The following RBMS3 variants were observed in gnomAD, a reference collection of about 807,000 sequenced individuals.
The protein encoded by RBMS3 is RNA-binding motif, single-stranded-interacting protein 3.
A neutral mutation model predicts 66.8 loss-of-function variants in RBMS3; 27 were observed. That is an observed-to-expected ratio of 0.40 (90% CI 0.30 to 0.56). The LOEUF (loss-of-function observed/expected upper bound fraction) is 0.56, where lower values mean the gene tolerates loss of function less well. Ranked by LOEUF, RBMS3 falls within the 20% of genes least tolerant of loss-of-function variation. The pLI is 0.40. For synonymous variants in RBMS3, 188 were observed against 183.0 expected (o/e 1.03, Z -0.22); for missense variants, 513 against 549.5 (o/e 0.93, Z 0.66).
intron 12 of RBMS3, among the ~76,000 whole-genome samples, chr3:29,951,101 T>C (rs1043987766): frequency 6.6e-6 from 1 of 151,876 alleles, no homozygotes; most frequent in Non-Finnish European, 1.5e-5. Flanking sequence ...AATGCAGTGC[T>C]TAATTTTGTA....
In RBMS3 at chr3:30,009,814, T is replaced by C. The variant is rs1044798520; in HGVS notation, c.*5952T>C. On this transcript the variant is annotated 3_prime_UTR_variant, in exon 15 of 15. Coordinates refer to ENST00000383767, the MANE Select transcript of RBMS3 (RefSeq NM_001003793.3). ...GTGTAACTTTAATGTTATATTTTGT[T>C]TCAAACCCTCTGGTCTAAGATTATT... 6.6e-6 allele frequency: 1 copy of C among 152,196 alleles called. No homozygotes were observed. The highest frequency in any genetic ancestry group is 1.5e-5 in the Non-Finnish European group (1 of 68,030). The allele number at this position is 152,196 out of a possible 1,614,324, so 9.4% of individuals were successfully genotyped here.
intron 7 of RBMS3, among the ~76,000 whole-genome samples, chr3:29,877,651 C>G (rs944642079): frequency 1.3e-5 from 2 of 152,112 alleles, no homozygotes; most frequent in African/African-American, 4.8e-5. Flanking sequence ...AAGGAGCATC[C>G]CTTTAGCAGG....
At chr3:29,592,389 C>T (rs1018266634) in intron 4 of RBMS3, among the ~76,000 whole-genome samples, 3 of 152,030 alleles carry the variant, frequency 2.0e-5, no homozygotes, top group African/African-American at 7.2e-5. Flanking sequence ...TTTATGCAGC[C>T]AACAGACACA....
At position 29,984,465 on chromosome 3, in the gene RBMS3, GT is replaced by G. The variant is rs543296401; in HGVS notation, c.1099-3676del. Among the ~76,000 whole-genome samples, 41 of 151,996 alleles carry G rather than the reference GT, an allele frequency of 2.7e-4. No homozygotes were observed. In the South Asian group the frequency reaches 8.5e-3, roughly 32 times the overall value. Reference sequence around the variant, plus strand: ...AGTTTTGTTCTCTCACTGGCGAGAAGTTGTGATCCTTTCAAGGAGAAGAGGC... The same window carrying G: ...AGTTTTGTTCTCTCACTGGCGAGAAGTGTGATCCTTTCAAGGAGAAGAGGC... On this transcript the variant is annotated intron_variant, in intron 12 of 14. Transcript: ENST00000383767.
chr3:29,706,281 T>C (rs1331382751), intron 4 of RBMS3, among the ~76,000 whole-genome samples: 1 of 152,190 alleles, frequency 6.6e-6, no homozygotes, highest in African/African-American at 2.4e-5. Flanking sequence ...GTGTTGTAAT[T>C]TCTTGCATTG....
At chr3:29,566,634 CA>C (rs11445860) in intron 3 of RBMS3, among the ~76,000 whole-genome samples, 10,887 of 119,820 alleles carry the variant, frequency 0.091, 558 homozygotes, top group East Asian at 0.33. Flanking sequence ...AAGCAAAATG[CA>C]AAAAAAAAAA....
At chr3:29,672,302 G>A (rs1292143995) in intron 4 of RBMS3, among the ~76,000 whole-genome samples, 1 of 152,162 alleles carries the variant, frequency 6.6e-6, no homozygotes, top group Non-Finnish European at 1.5e-5. Flanking sequence ...AACATGGAAA[G>A]GAATAACCGG....
chr3:29,309,590 C>T (rs1270620411), intron 1 of RBMS3, among the ~76,000 whole-genome samples: 1 of 151,090 alleles, frequency 6.6e-6, no homozygotes, highest in Non-Finnish European at 1.5e-5. Context: ...AAGATAGAAT[C>T]CTAGGGAATA....
At chr3:29,898,569 T>C (rs1183843635) in intron 9 of RBMS3, among the ~76,000 whole-genome samples, 1 of 151,686 alleles carries the variant, frequency 6.6e-6, no homozygotes, top group Non-Finnish European at 1.5e-5. Context: ...TTTTCTGCAC[T>C]CAGATTCTTG....
At chr3:29,523,173 C>T (rs1207796902) in intron 3 of RBMS3, among the ~76,000 whole-genome samples, 15 of 152,188 alleles carry the variant, frequency 9.9e-5, no homozygotes, top group Non-Finnish European at 1.6e-4. Flanking sequence ...GCTTCAGCGT[C>T]GATTCTCCTA....
intron 13 of RBMS3, 42 bp from the exon 14 acceptor site, chr3:29,991,040 C>A: frequency 6.2e-7 from 1 of 1,600,828 alleles, no homozygotes; most frequent in Non-Finnish European, 8.6e-7. Flanking sequence ...GGGCCCTTCA[C>A]TGAAGCAAGT....
At chr3:29,689,238 T>C (rs1576530211) in intron 4 of RBMS3, among the ~76,000 whole-genome samples, 1 of 152,160 alleles carries the variant, frequency 6.6e-6, no homozygotes, top group Non-Finnish European at 1.5e-5. Flanking sequence ...GCTTCTTGGA[T>C]ATTATCCTTG....
chr3:29,704,506 T>C (rs1256573993), intron 4 of RBMS3, among the ~76,000 whole-genome samples: 1 of 152,168 alleles, frequency 6.6e-6, no homozygotes, highest in African/African-American at 2.4e-5. Flanking sequence ...TTCTATCCAA[T>C]TGGGCAAATC....
intron 4 of RBMS3, among the ~76,000 whole-genome samples, chr3:29,649,069 A>G (rs1206028495): frequency 6.6e-6 from 1 of 152,214 alleles, no homozygotes; most frequent in Non-Finnish European, 1.5e-5. Flanking sequence ...TTTAATAAGT[A>G]TAACTTCTTT....
intron 4 of RBMS3, among the ~76,000 whole-genome samples, chr3:29,603,403 A>G (rs1353186525): frequency 6.6e-6 from 1 of 152,034 alleles, no homozygotes; most frequent in East Asian, 1.9e-4. Context: ...CTTTTATAAC[A>G]AGGTTGAAAC....
chr3:30,000,678 G>A (rs1288754308), intron 14 of RBMS3, among the ~76,000 whole-genome samples: 1 of 152,116 alleles, frequency 6.6e-6, no homozygotes, highest in Non-Finnish European at 1.5e-5. Context: ...AGAAAATGTG[G>A]CATATATACA....
intron 4 of RBMS3, among the ~76,000 whole-genome samples, chr3:29,718,750 T>C (rs1033636109): frequency 5.9e-5 from 9 of 152,284 alleles, no homozygotes; most frequent in Middle Eastern, 3.4e-3. Flanking sequence ...CACAGTTCTG[T>C]TGTAATCAGG....
At chr3:29,821,466 G>A (rs994196547) in intron 6 of RBMS3, among the ~76,000 whole-genome samples, 1 of 152,140 alleles carries the variant, frequency 6.6e-6, no homozygotes, top group African/African-American at 2.4e-5. Context: ...AAGTGGGACA[G>A]TAGTCACTTA....
intron 14 of RBMS3, among the ~76,000 whole-genome samples, chr3:30,000,853 C>T (rs1456311369): frequency 6.6e-6 from 1 of 151,698 alleles, no homozygotes; most frequent in Non-Finnish European, 1.5e-5. Context: ...ACATGGACAT[C>T]GGGGGTGGGC....
Sources: gnomAD v4.1 joint callset for allele counts (sites outside exome capture counted in the v4.1 genomes callset) on GRCh38, gnomAD v4.1.1 for gene constraint, MANE v1.5 for transcripts, NCBI Gene and HGNC (gene_info 2026-07-23, HGNC 2026-07-21) for gene names.